Variants in HNF4G observed in about 807,000 individuals in gnomAD.
The protein encoded by HNF4G is hepatocyte nuclear factor 4-gamma.
HNF4G carries 21 observed loss-of-function variants against 50.9 expected under a neutral mutation model. The ratio of observed to expected loss-of-function variants is 0.41; its 90% CI spans 0.29 to 0.59. The LOEUF (loss-of-function observed/expected upper bound fraction) is 0.59, where lower values mean the gene tolerates loss of function less well. HNF4G is among the 20% of genes least tolerant of loss of function. The probability of loss-of-function intolerance (pLI) is 0.26; values close to 1 mark genes in which losing one functional copy is unlikely to be tolerated. For missense variants in HNF4G, 527 were observed against 559.4 expected (o/e 0.94, Z 0.58); for synonymous variants, 198 against 185.6 (o/e 1.07, Z -0.54).
At chr8:75,479,982 A>G (rs1251069751) in intron 1 of HNF4G, among the ~76,000 whole-genome samples, 1 of 117,868 alleles carries the variant, frequency 8.5e-6, no homozygotes, top group Non-Finnish European at 1.6e-5. Flanking sequence ...AACAACCTTA[A>G]CTTTTTTTTT....
intron 2 of HNF4G, among the ~76,000 whole-genome samples, chr8:75,494,490 T>A (rs1227126438): frequency 6.6e-6 from 1 of 152,228 alleles, no homozygotes; most frequent in African/African-American, 2.4e-5. Flanking sequence ...CTTTAATTTG[T>A]GACCATTGAG....
chr8:75,453,194 T>A (rs1811628341), intron 1 of HNF4G, among the ~76,000 whole-genome samples: 1 of 152,200 alleles, frequency 6.6e-6, no homozygotes, highest in African/African-American at 2.4e-5. Context: ...TACACTTATT[T>A]GAGCCTCCTG....
chr8:75,474,950 C>T (rs1289212132), intron 1 of HNF4G, among the ~76,000 whole-genome samples: 1 of 151,856 alleles, frequency 6.6e-6, no homozygotes, highest in Non-Finnish European at 1.5e-5. Context: ...CCTGCCTGGA[C>T]CTCCCAAAGT....
At chr8:75,560,613 T>G (rs776200091) in intron 9 of HNF4G, 147 bp downstream of exon 9, 2 of 643,246 alleles carry the variant, frequency 3.1e-6, no homozygotes, top group Admixed American at 6.1e-5. Context: ...AGACTGTTAT[T>G]CAGCTTGTCA....
chr8:75,420,041 C>A (rs550815213), intron 1 of HNF4G, among the ~76,000 whole-genome samples: 7 of 152,112 alleles, frequency 4.6e-5, no homozygotes. Context: ...TTTTTAATTT[C>A]CTCTTATGAT....
chr8:75,477,787 G>GA (rs1261783402), intron 1 of HNF4G, among the ~76,000 whole-genome samples: 2 of 151,888 alleles, frequency 1.3e-5, no homozygotes, highest in Non-Finnish European at 1.5e-5. Context: ...GACCGATATG[G>GA]AGAAACCCCG....
At chr8:75,471,493 T>G (rs549265922) in intron 1 of HNF4G, among the ~76,000 whole-genome samples, 1 of 152,278 alleles carries the variant, frequency 6.6e-6, no homozygotes, top group South Asian at 2.1e-4. Context: ...AGTGTTTCAG[T>G]TTTTTCAAGA....
chr8:75,430,876 A>G (rs1347869420), intron 1 of HNF4G, among the ~76,000 whole-genome samples: 2 of 152,190 alleles, frequency 1.3e-5, no homozygotes, highest in Non-Finnish European at 2.9e-5. Flanking sequence ...GTAAAAACAA[A>G]CTGGAGAAGT....
intron 1 of HNF4G, among the ~76,000 whole-genome samples, chr8:75,470,987 C>A (rs1402006390): frequency 1.3e-5 from 2 of 152,150 alleles, no homozygotes; most frequent in Non-Finnish European, 2.9e-5. Flanking sequence ...TTTAATCACT[C>A]ATACATTCAG....
In HNF4G at chr8:75,564,035, T is replaced by C. The variant is rs889512903; in HGVS notation, c.1307T>C (p.Ile436Thr). 2 of 1,613,582 alleles carry C rather than the reference T, an allele frequency of 1.2e-6. No homozygotes were observed. The highest frequency in any genetic ancestry group is 1.3e-5 in the African/African-American group (1 of 74,894). ...GGCTCTGGGCAAGAACAGTACAAAA[T>C]AGCTGCAAACCAAGCATCAGTCATT... ...PQGSGQEQYK[I>T]AANQASVISH... Residue 436 changes from isoleucine to threonine, a missense_variant, in exon 10 of 10, where the codon ATA becomes ACA. Ile to Thr is a moderately conservative substitution (Grantham distance 89). Coordinates refer to ENST00000396423, the MANE Select transcript of HNF4G (RefSeq NM_004133.5).
chr8:75,449,695 G>C (rs1351598824), intron 1 of HNF4G, among the ~76,000 whole-genome samples: 2 of 151,648 alleles, frequency 1.3e-5, no homozygotes, highest in African/African-American at 2.4e-5. Context: ...TTTTAGTAGA[G>C]ACGGGGTTTC....
At chr8:75,507,261 C>CTTTTTT (rs34235931) in intron 2 of HNF4G, among the ~76,000 whole-genome samples, 1 of 136,856 alleles carries the variant, frequency 7.3e-6, no homozygotes, top group Non-Finnish European at 1.6e-5. Context: ...TTTTAAAATT[C>CTTTTTT]TTTTTTTTTT....
At chr8:75,413,190 A>G (rs972899512) in intron 1 of HNF4G, among the ~76,000 whole-genome samples, 2 of 151,818 alleles carry the variant, frequency 1.3e-5, no homozygotes, top group African/African-American at 4.8e-5. Context: ...CCGGGAAGCC[A>G]TCACAATCTT....
chr8:75,423,242 T>G (rs1023066125), intron 1 of HNF4G, among the ~76,000 whole-genome samples: 5 of 152,088 alleles, frequency 3.3e-5, no homozygotes, highest in Non-Finnish European at 4.4e-5. Context: ...TCTGAAAGTA[T>G]AATCCCTCTT....
chr8:75,436,947 G>A (rs974413381), intron 1 of HNF4G, among the ~76,000 whole-genome samples: 3 of 152,306 alleles, frequency 2.0e-5, no homozygotes, highest in South Asian at 2.1e-4. Flanking sequence ...AGAAGGCTGA[G>A]GCTGGAGGAT....
In HNF4G at chr8:75,499,349, A is replaced by G. The variant is rs979753278; in HGVS notation, c.-24+9141A>G. Among the ~76,000 whole-genome samples, 7 of 152,088 alleles carry G rather than the reference A, an allele frequency of 4.6e-5. No homozygotes were observed. The South Asian group carries it at 1.2e-3, about 27-fold the overall frequency. On this transcript the variant is annotated intron_variant, in intron 2 of 10. Coordinates refer to the HNF4G transcript ENST00000354370. ...AGAGATACAAGACTGTACACTAAAA[A>G]CTACAAGCATTATTGAGAGAAATGG...
intron 1 of HNF4G, among the ~76,000 whole-genome samples, chr8:75,540,991 T>G (rs76497572): frequency 0.057 from 8,599 of 151,966 alleles, 297 homozygotes; most frequent in Non-Finnish European, 0.079. Flanking sequence ...AAGCAGTTCC[T>G]TATTAGTGGG....
At chr8:75,419,959 A>G (rs1034015650) in intron 1 of HNF4G, among the ~76,000 whole-genome samples, 3 of 152,212 alleles carry the variant, frequency 2.0e-5, no homozygotes, top group African/African-American at 7.2e-5. Flanking sequence ...AACAACATAT[A>G]TAAGACAACA....
At chr8:75,559,066 T>C (rs1463118050) in intron 8 of HNF4G, 29 bp downstream of exon 8, 1 of 1,289,564 alleles carries the variant, frequency 7.8e-7, no homozygotes, top group African/African-American at 1.5e-5. Context: ...TTCTACTTTA[T>C]TGATTAGAAT....
Sources: allele counts gnomAD v4.1 joint callset (sites outside exome capture counted in the v4.1 genomes callset), GRCh38; gene constraint gnomAD v4.1.1; transcripts MANE v1.5; gene names NCBI Gene and HGNC (gene_info 2026-07-23, HGNC 2026-07-21).